Variants in CORO2B observed in about 807,000 individuals in gnomAD.
The protein encoded by CORO2B is coronin-2B.
CORO2B carries 26 observed loss-of-function variants against 58.8 expected under a neutral mutation model. The observed-to-expected ratio is 0.44, with a 90% CI of 0.32 to 0.61. The LOEUF (loss-of-function observed/expected upper bound fraction) is 0.61, where lower values mean the gene tolerates loss of function less well. CORO2B is among the 20% of genes least tolerant of loss of function. The pLI is 0.04. For synonymous variants in CORO2B, 242 were observed against 253.8 expected (o/e 0.95, Z 0.44); for missense variants, 460 against 645.1 (o/e 0.71, Z 3.11).
chr15:68,621,888 C>G (rs535296033), intron 1 of CORO2B, among the ~76,000 whole-genome samples: 5 of 151,862 alleles, frequency 3.3e-5, no homozygotes, highest in Non-Finnish European at 1.5e-5. Context: ...TCCCAAGGAG[C>G]TGGGACTATA....
At chr15:68,652,672 C>G (rs771405078) in intron 2 of CORO2B, among the ~76,000 whole-genome samples, 1 of 152,204 alleles carries the variant, frequency 6.6e-6, no homozygotes, top group Non-Finnish European at 1.5e-5. Flanking sequence ...GCCTGAGGAG[C>G]TTTTGAGGAT....
intron 1 of CORO2B, among the ~76,000 whole-genome samples, chr15:68,605,494 A>G (rs1900087810): frequency 6.6e-6 from 1 of 152,268 alleles, no homozygotes; most frequent in South Asian, 2.1e-4. Context: ...TCAATGGAAT[A>G]TTCTGCAGCC....
upstream of CORO2B, among the ~76,000 whole-genome samples, chr15:68,575,884 G>C (rs1899274320): frequency 6.6e-6 from 1 of 151,480 alleles, no homozygotes; most frequent in African/African-American, 2.4e-5. Flanking sequence ...GCTGGGTGTG[G>C]TGGCTCACAC....
the CORO2B span, among the ~76,000 whole-genome samples, chr15:68,539,656 C>A: frequency 6.6e-6 from 1 of 152,056 alleles, no homozygotes; most frequent in Non-Finnish European, 1.5e-5. Flanking sequence ...CAGAGCAAGA[C>A]CATGTCTCAA....
In CORO2B at chr15:68,719,226, T is replaced by A; in HGVS notation, c.1163T>A (p.Ile388Asn). The change falls in exon 10 of 12, where the codon ATC becomes AAC. Residue 388 changes from isoleucine to asparagine, a missense_variant. Transcript: ENST00000261861. ...ALTPDEWLGG[I>N]NRDPVLMSLK... Reference sequence around the variant, plus strand: ...ACCCCGGATGAATGGCTGGGAGGCATCAACCGAGGTACCACAGCGGGGGGC... The same window carrying A: ...ACCCCGGATGAATGGCTGGGAGGCAACAACCGAGGTACCACAGCGGGGGGC... 2 of 1,613,930 alleles carry A rather than the reference T, an allele frequency of 1.2e-6. No homozygotes were observed. The highest frequency in any genetic ancestry group is 1.7e-6 in the Non-Finnish European group (2 of 1,179,938).
At chr15:68,648,440 A>C (rs1324732086) in intron 2 of CORO2B, among the ~76,000 whole-genome samples, 1 of 151,994 alleles carries the variant, frequency 6.6e-6, no homozygotes, top group Non-Finnish European at 1.5e-5. Context: ...AGGTCAGGAG[A>C]TCAAGACCAT....
intron 8 of CORO2B, among the ~76,000 whole-genome samples, chr15:68,718,135 TGTG>T (rs1893075260): frequency 6.6e-6 from 1 of 152,202 alleles, no homozygotes; most frequent in Non-Finnish European, 1.5e-5. Context: ...GTTAGGGACA[TGTG>T]GTAAGTGAAC....
At chr15:68,624,024 G>A (rs2140254078) in intron 1 of CORO2B, among the ~76,000 whole-genome samples, 1 of 152,310 alleles carries the variant, frequency 6.6e-6, no homozygotes, top group South Asian at 2.1e-4. Context: ...GTGATGGAAA[G>A]AGACTTGAGA....
chr15:68,544,293 A>C, the CORO2B span, among the ~76,000 whole-genome samples: 2 of 152,146 alleles, frequency 1.3e-5, no homozygotes, highest in African/African-American at 4.8e-5. Context: ...AAGATGTAAA[A>C]ACATGCAGTG....
At chr15:68,534,824 G>A in the CORO2B span, among the ~76,000 whole-genome samples, 4 of 152,194 alleles carry the variant, frequency 2.6e-5, no homozygotes, top group African/African-American at 9.7e-5. Flanking sequence ...CATGTGGCTG[G>A]GGAGGCCTCA....
At chr15:68,621,474 G>A (rs1467712447) in intron 1 of CORO2B, among the ~76,000 whole-genome samples, 1 of 152,188 alleles carries the variant, frequency 6.6e-6, no homozygotes, top group African/African-American at 2.4e-5. Context: ...ATGAGGAGGA[G>A]GCATTCCTGA....
intron 2 of CORO2B, among the ~76,000 whole-genome samples, chr15:68,658,367 C>T (rs895066961): frequency 6.6e-6 from 1 of 152,244 alleles, no homozygotes; most frequent in African/African-American, 2.4e-5. Context: ...CTGGGGGCCT[C>T]GTCCCCGCCT....
chr15:68,569,300 T>G, the CORO2B span, among the ~76,000 whole-genome samples: 3 of 152,266 alleles, frequency 2.0e-5, no homozygotes, highest in East Asian at 5.8e-4. Context: ...TGTTCATCCC[T>G]CCCCACTAAC....
chr15:68,641,410 C>A, intron 1 of CORO2B: 1 of 466,250 alleles, frequency 2.1e-6, no homozygotes, highest in Non-Finnish European at 2.8e-6. Context: ...TGTGTCTACA[C>A]CCTGAGGACT....
chr15:68,525,652 A>G, the CORO2B span, among the ~76,000 whole-genome samples: 1 of 152,098 alleles, frequency 6.6e-6, no homozygotes, highest in Non-Finnish European at 1.5e-5. Context: ...AGAAACCAAA[A>G]CCCCCAAAAT....
the CORO2B span, among the ~76,000 whole-genome samples, chr15:68,565,387 A>G: frequency 6.6e-6 from 1 of 150,810 alleles, no homozygotes; most frequent in Non-Finnish European, 1.5e-5. Flanking sequence ...TCAAGTGCAT[A>G]TATATATATA....
chr15:68,704,628 C>T (rs1329913372), intron 3 of CORO2B, among the ~76,000 whole-genome samples: 1 of 152,160 alleles, frequency 6.6e-6, no homozygotes, highest in East Asian at 1.9e-4. Context: ...CTTGCCTTTG[C>T]CTTGTCTGCA....
chr15:68,529,500 A>AT, the CORO2B span, among the ~76,000 whole-genome samples: 1 of 152,052 alleles, frequency 6.6e-6, no homozygotes, highest in East Asian at 1.9e-4. Context: ...TAAGTTGTTG[A>AT]TTTTTTTGAC....
chr15:68,609,189 A>G (rs1243387743), intron 1 of CORO2B, among the ~76,000 whole-genome samples: 1 of 152,186 alleles, frequency 6.6e-6, no homozygotes, highest in Non-Finnish European at 1.5e-5. Context: ...ATTGCAGGTG[A>G]CAAGAGCAAC....
Sources: gnomAD v4.1 joint callset for allele counts (sites outside exome capture counted in the v4.1 genomes callset) on GRCh38, gnomAD v4.1.1 for gene constraint, MANE v1.5 for transcripts, NCBI Gene and HGNC (gene_info 2026-07-23, HGNC 2026-07-21) for gene names.